The following HPSE2 variants were observed in gnomAD, a reference collection of about 807,000 sequenced individuals.
HPSE2 encodes the protein inactive heparanase-2.
In HPSE2, 38 loss-of-function variants were observed where a neutral mutation model predicts 60.5. The ratio of observed to expected loss-of-function variants is 0.63; its 90% CI spans 0.48 to 0.82. The LOEUF is 0.82. HPSE2 is among the 40% of genes least tolerant of loss of function. The pLI, the probability that HPSE2 is intolerant of heterozygous loss-of-function variation, is 0.00. For missense variants in HPSE2, 713 were observed against 740.4 expected, an observed-to-expected ratio of 0.96 and a Z score of 0.43; for synonymous variants, 295 against 293.2, an observed-to-expected ratio of 1.01 and a Z score of -0.06.
intron 6 of HPSE2, among the ~76,000 whole-genome samples, chr10:98,692,957 T>G (rs1250814942): frequency 6.6e-6 from 1 of 152,212 alleles, no homozygotes; most frequent in Non-Finnish European, 1.5e-5. Context: ...GCAATCTTAA[T>G]AAAGATTTAA....
At chr10:98,510,813 A>C (rs1942364434) in intron 9 of HPSE2, among the ~76,000 whole-genome samples, 1 of 152,164 alleles carries the variant, frequency 6.6e-6, no homozygotes, top group African/African-American at 2.4e-5. Context: ...CGCAGGGCCA[A>C]AGATGCATGT....
rs938774618 is a variant in HPSE2 at position 98,979,438 on chromosome 10, G to A, written c.610+164800C>T. On this transcript the variant is annotated intron_variant, in intron 3 of 11. Transcript: ENST00000370552. The stretch of plus-strand genomic sequence containing the variant: ...AAAAATAAGCATAGTGCACAGCATT[G>A]TTGTGAGGCTGAAAACCAAAGAAAT... 3.3e-5 allele frequency among the ~76,000 whole-genome samples: 5 copies of A among 152,260 alleles called. No individual in the cohort carries two copies. The South Asian group carries it at 1.0e-3, about 32-fold the overall frequency.
intron 3 of HPSE2, among the ~76,000 whole-genome samples, chr10:98,768,307 GT>G (rs1249330604): frequency 1.3e-5 from 2 of 152,074 alleles, no homozygotes; most frequent in Non-Finnish European, 2.9e-5. Flanking sequence ...ACACTTACTT[GT>G]TCCAATTAAA....
intron 2 of HPSE2, among the ~76,000 whole-genome samples, chr10:99,171,048 A>G (rs1402966031): frequency 6.6e-6 from 1 of 152,248 alleles, no homozygotes; most frequent in East Asian, 1.9e-4. Flanking sequence ...TTGAGCATCT[A>G]CAGATTTTGG....
chr10:99,217,111 T>C (rs7080291), intron 2 of HPSE2, among the ~76,000 whole-genome samples: 24,825 of 151,798 alleles, frequency 0.16, 3,046 homozygotes, highest in African/African-American at 0.34. Context: ...GCAAAATGCA[T>C]GAGCAGCCCC....
chr10:98,604,961 GGCCTTCCT>G (rs1313963560), intron 9 of HPSE2, among the ~76,000 whole-genome samples: 1 of 152,156 alleles, frequency 6.6e-6, no homozygotes, highest in East Asian at 1.9e-4. Context: ...TCTATCCCAA[GGCCTTCCT>G]GCCTTCCTGC....
chr10:98,915,944 A>G (rs1252190), intron 3 of HPSE2, among the ~76,000 whole-genome samples: 1 of 152,188 alleles, frequency 6.6e-6, no homozygotes, highest in Non-Finnish European at 1.5e-5. Context: ...AGGAAACACA[A>G]ACTTTGTATG....
chr10:99,169,815 T>G (rs1044414787), intron 2 of HPSE2, among the ~76,000 whole-genome samples: 27 of 152,112 alleles, frequency 1.8e-4, no homozygotes, highest in African/African-American at 6.5e-4. Context: ...TAGCACACTT[T>G]TTCTATAAAG....
chr10:98,831,161 T>G (rs1951674781), intron 3 of HPSE2, among the ~76,000 whole-genome samples: 1 of 152,174 alleles, frequency 6.6e-6, no homozygotes, highest in Admixed American at 6.5e-5. Context: ...ATCTAGGGTC[T>G]CATCTGCTAT....
At chr10:98,895,232 G>A (rs891417742) in intron 3 of HPSE2, among the ~76,000 whole-genome samples, 2 of 152,018 alleles carry the variant, frequency 1.3e-5, no homozygotes, top group Admixed American at 1.3e-4. Flanking sequence ...TCATACATAT[G>A]ATTTTTTCAG....
At chr10:99,132,237 G>GAA (rs1308434482) in intron 3 of HPSE2, among the ~76,000 whole-genome samples, 34 of 20,644 alleles carry the variant, frequency 1.6e-3, no homozygotes, top group Admixed American at 1.9e-3. Context: ...GAGAGAGAGA[G>GAA]AGAGAGAAAG....
intron 3 of HPSE2, among the ~76,000 whole-genome samples, chr10:98,850,183 A>C (rs1162241511): frequency 1.3e-5 from 2 of 152,238 alleles, no homozygotes; most frequent in Admixed American, 1.3e-4. Flanking sequence ...CTAATGGTAG[A>C]GAAGTTTTCT....
chr10:99,261,351 G>A, the HPSE2 span, among the ~76,000 whole-genome samples: 10 of 151,950 alleles, frequency 6.6e-5, no homozygotes, highest in African/African-American at 7.3e-5. Context: ...CCTCACACCC[G>A]GTCCGGCTTA....
At chr10:99,251,071 T>C in the HPSE2 span, among the ~76,000 whole-genome samples, 1 of 152,160 alleles carries the variant, frequency 6.6e-6, no homozygotes, top group Admixed American at 6.5e-5. Flanking sequence ...AAGTTTGTTC[T>C]TTGAAAGGAT....
At chr10:99,224,766 G>A (rs1183244402) in intron 2 of HPSE2, among the ~76,000 whole-genome samples, 1 of 152,094 alleles carries the variant, frequency 6.6e-6, no homozygotes, top group African/African-American at 2.4e-5. Context: ...CAGTAGTACA[G>A]TTGCATTGTA....
intron 9 of HPSE2, among the ~76,000 whole-genome samples, chr10:98,600,102 A>C: frequency 6.6e-6 from 1 of 152,224 alleles, no homozygotes; most frequent in South Asian, 2.1e-4. Flanking sequence ...TTCAGCAAAT[A>C]ATTTTTTAGT....
chr10:98,982,370 A>G (rs1245867234), intron 3 of HPSE2, among the ~76,000 whole-genome samples: 1 of 152,222 alleles, frequency 6.6e-6, no homozygotes, highest in African/African-American at 2.4e-5. Flanking sequence ...TGGAAGATCT[A>G]GGGGTAACAG....
At chr10:99,140,173 T>C (rs569253293) in intron 3 of HPSE2, among the ~76,000 whole-genome samples, 1 of 152,308 alleles carries the variant, frequency 6.6e-6, no homozygotes, top group African/African-American at 2.4e-5. Flanking sequence ...TTGAAGTTAA[T>C]AGAATGGGCC....
intron 3 of HPSE2, among the ~76,000 whole-genome samples, chr10:98,903,000 T>A (rs1048556340): frequency 5.3e-5 from 8 of 152,128 alleles, no homozygotes; most frequent in Non-Finnish European, 2.9e-5. Context: ...TTATTCATAA[T>A]AGCTAAAAGA....
Sources: gnomAD v4.1 joint callset for allele counts (sites outside exome capture counted in the v4.1 genomes callset) on GRCh38, gnomAD v4.1.1 for gene constraint, MANE v1.5 for transcripts, NCBI Gene and HGNC (gene_info 2026-07-23, HGNC 2026-07-21) for gene names.